NRDC: variants seen among roughly 807,000 people sequenced by gnomAD.
NRDC encodes nardilysin.
A neutral mutation model predicts 147.1 loss-of-function variants in NRDC; 54 were observed. That is an observed-to-expected ratio of 0.37 (90% CI 0.29 to 0.46). NRDC has a LOEUF of 0.46. Ranked by LOEUF, NRDC falls within the 20% of genes least tolerant of loss-of-function variation. NRDC has a pLI of 1.00. For missense variants in NRDC, 1,082 were observed against 1,370.6 expected (o/e 0.79, Z 3.33); for synonymous variants, 440 against 482.1 (o/e 0.91, Z 1.14).
intron 17 of NRDC, 142 bp from the exon 18 acceptor site, chr1:51,807,055 AG>A: frequency 2.0e-6 from 1 of 491,646 alleles, no homozygotes; most frequent in Non-Finnish European, 3.2e-6. Context: ...TTAAATTAGT[AG>A]ACCAATACCA....
intron 1 of NRDC, among the ~76,000 whole-genome samples, chr1:51,846,361 G>T (rs1010613731): frequency 6.6e-6 from 1 of 152,090 alleles, no homozygotes; most frequent in Non-Finnish European, 1.5e-5. Context: ...TGATCCACCC[G>T]CCTCGGTCTC....
chr1:51,869,481 G>C (rs1435045740), intron 1 of NRDC, among the ~76,000 whole-genome samples: 1 of 152,094 alleles, frequency 6.6e-6, no homozygotes, highest in African/African-American at 2.4e-5. Context: ...ACATATAACA[G>C]TAATGTTTTT....
chr1:51,827,833 T>C lies in NRDC; in HGVS notation c.903A>G (p.Arg301=). The change falls in exon 5 of 31, where the codon AGA becomes AGG. Residue 301 remains arginine, a synonymous_variant. Transcript: ENST00000352171. Reference sequence around the variant, plus strand: ...CTTCAACTTCACGGTCAATTGCATCTCTGATCATTAGTGGGTGGATGAAGA... The same window carrying C: ...CTTCAACTTCACGGTCAATTGCATCCCTGATCATTAGTGGGTGGATGAAGA... The part of the protein sequence containing the change: ...AQFFIHPLMI[R]DAIDREVEAV... 1 of 1,613,948 alleles carries C rather than the reference T, an allele frequency of 6.2e-7. No homozygotes were observed. Among genetic ancestry groups the C allele is most frequent in the Non-Finnish European group, 8.5e-7 (1 of 1,179,884 alleles).
chr1:51,795,315 T>C, intron 22 of NRDC: 1 of 836,744 alleles, frequency 1.2e-6, no homozygotes, highest in Non-Finnish European at 1.7e-6. Context: ...ATGGAGGGAT[T>C]AGCTCTTCTC....
intron 28 of NRDC, 75 bp downstream of exon 28, chr1:51,790,825 G>T: frequency 7.9e-7 from 1 of 1,273,544 alleles, no homozygotes; most frequent in Non-Finnish European, 1.1e-6. Flanking sequence ...AAAACTGGCC[G>T]GCGAAGCCCT....
intron 1 of NRDC, among the ~76,000 whole-genome samples, chr1:51,872,083 T>G (rs1309642429): frequency 1.3e-5 from 2 of 152,100 alleles, no homozygotes; most frequent in South Asian, 4.1e-4. Flanking sequence ...GTTGGCCAGG[T>G]AGGTCTCCAA....
intron 1 of NRDC, among the ~76,000 whole-genome samples, chr1:51,858,471 TAAAAAAA>T (rs79682328): frequency 1.6e-5 from 2 of 122,026 alleles, no homozygotes; most frequent in African/African-American, 3.1e-5. Context: ...ACCCTGTCTT[TAAAAAAA>T]AAAAAAAAAA....
At chr1:51,825,558 T>C (rs1680407569) in intron 5 of NRDC, among the ~76,000 whole-genome samples, 176 bp from the exon 6 acceptor site, 1 of 152,216 alleles carries the variant, frequency 6.6e-6, no homozygotes. Context: ...TGACTTAATA[T>C]GACCTGTAAT....
chr1:51,809,841 G>A (rs1679631652), intron 16 of NRDC, among the ~76,000 whole-genome samples: 1 of 151,814 alleles, frequency 6.6e-6, no homozygotes. Flanking sequence ...GGCAAAAGAA[G>A]TTGCAGTGAG....
chr1:51,790,438 T>C (rs1678560199), intron 29 of NRDC, 95 bp downstream of exon 29: 1 of 798,970 alleles, frequency 1.3e-6, no homozygotes, highest in African/African-American at 1.7e-5. Flanking sequence ...TTCGAGTTTC[T>C]CTTCCACACA....
At chr1:51,796,272 T>C (rs1678903702) in intron 22 of NRDC, among the ~76,000 whole-genome samples, 2 of 151,924 alleles carry the variant, frequency 1.3e-5, no homozygotes, top group Admixed American at 1.3e-4. Context: ...AGACTCTCAC[T>C]CTGTCACCCA....
At chr1:51,850,712 C>A (rs1362213075) in intron 1 of NRDC, among the ~76,000 whole-genome samples, 1 of 152,192 alleles carries the variant, frequency 6.6e-6, no homozygotes, top group Non-Finnish European at 1.5e-5. Flanking sequence ...GCAAAAGGAT[C>A]TGCGGGCACA....
intron 15 of NRDC, 105 bp downstream of exon 15, chr1:51,811,889 A>C (rs1187702586): frequency 3.1e-6 from 2 of 653,364 alleles, no homozygotes; most frequent in African/African-American, 3.6e-5. Context: ...TCCTGACTAA[A>C]TATAACTAAG....
rs1389888922 is a variant in NRDC, at chr1:51,805,517, C to A, written c.2155G>T (p.Ala719Ser). 2.5e-6 allele frequency: 4 copies of A among 1,580,076 alleles called. No homozygotes were observed. In the African/African-American group the frequency reaches 5.5e-5, roughly 22 times the overall value. The change falls in exon 19 of 31, where the codon GCA becomes TCA. Residue 719 changes from alanine (A) to serine (S), a missense_variant. Physicochemically the swap from Ala to Ser is moderately conservative, Grantham distance 99. This residue lies in a region of NRDC where 635 missense variants were observed against 923.8 expected (regional missense o/e 0.69). Transcript: ENST00000352171. ...AAAAAGACAATTGCTTACTTTGCTG[C>A]AGATTTCTGTATCAACGGTGAAATT... The part of the protein sequence containing the change: ...HLISPLIQKS[A>S]ANVVLFDIFV...
chr1:51,791,530 C>T (rs1678654713), intron 27 of NRDC, 48 bp downstream of exon 27: 1 of 1,464,380 alleles, frequency 6.8e-7, no homozygotes. Context: ...AGCCCCTACT[C>T]TCCATGTCCA....
At chr1:51,800,488 C>T in intron 21 of NRDC, 68 bp downstream of exon 21, 1 of 1,552,778 alleles carries the variant, frequency 6.4e-7, no homozygotes, top group South Asian at 1.2e-5. Context: ...TTAACCCCCA[C>T]ACCCACCCAC....
At chr1:51,857,825 T>C (rs1682327866) in intron 1 of NRDC, among the ~76,000 whole-genome samples, 1 of 152,208 alleles carries the variant, frequency 6.6e-6, no homozygotes, top group Non-Finnish European at 1.5e-5. Flanking sequence ...GAGATTTTTG[T>C]GTTCTACATT....
At chr1:51,864,949 T>TAAA (rs76818656) in intron 1 of NRDC, among the ~76,000 whole-genome samples, 1 of 133,846 alleles carries the variant, frequency 7.5e-6, no homozygotes. Context: ...GACCTGGTCT[T>TAAA]AAAAAAAAAA....
At position 51,840,501 on chromosome 1, in the gene NRDC, G is replaced by C; in HGVS notation, c.355C>G (p.Gln119Glu). The C allele has an allele frequency of 6.3e-7, 1 of 1,598,200 alleles. No homozygotes were observed. The highest frequency in any genetic ancestry group is 1.4e-5 in the African/African-American group (1 of 73,802). ...ATCAGAAGTGCCTGCAAGCCATTCT[G>C]TAATTTGATGTATCTGGGGGGAGAA... is the stretch of plus-strand genomic sequence containing the variant. ...DPKQYRYIKL[Q>E]NGLQALLISD... Residue 119 changes from glutamine (Q) to glutamate (E), a missense_variant, in exon 2 of 31, where the codon CAG becomes GAG. This residue lies in a region of NRDC where 260 missense variants were observed against 253.2 expected (regional missense o/e 1.03). Transcript: ENST00000352171.
Sources: allele counts gnomAD v4.1 joint callset (sites outside exome capture counted in the v4.1 genomes callset), GRCh38; gene constraint gnomAD v4.1.1; regional missense constraint gnomAD v4.1.1; transcripts MANE v1.5; gene names NCBI Gene and HGNC (gene_info 2026-07-23, HGNC 2026-07-21).